The following DDHD2 variants were observed in gnomAD, a reference collection of about 807,000 sequenced individuals.
DDHD2 encodes the protein triacylglycerol hydrolase DDHD2.
Under a neutral mutation model 91.2 loss-of-function variants are expected in DDHD2, and 62 were observed. The observed-to-expected ratio is 0.68, with a 90% CI of 0.55 to 0.84. The LOEUF (loss-of-function observed/expected upper bound fraction) is 0.84, where lower values mean the gene tolerates loss of function less well. DDHD2 is among the 40% of genes least tolerant of loss of function. The pLI, the probability that DDHD2 is intolerant of heterozygous loss-of-function variation, is 0.00. For missense variants in DDHD2, 740 were observed against 846.9 expected, an observed-to-expected ratio of 0.87 and a Z score of 1.57; for synonymous variants, 271 against 293.9, an observed-to-expected ratio of 0.92 and a Z score of 0.80.
At chr8:38,246,978 A>G (rs1202092961) in intron 9 of DDHD2, 1 of 152,220 alleles carries the variant, frequency 6.6e-6, no homozygotes, top group Admixed American at 6.5e-5. Flanking sequence ...TGGGGACTTG[A>G]TGTTTAAACA....
In DDHD2 at chr8:38,251,954, A is replaced by G. The variant is rs148088581; in HGVS notation, c.1387A>G (p.Ile463Val). ...CCCGCAGCCTGCTTCAGGGGCAAAC[A>G]TCCCCAAAGAATCTGAGTTCTGCAG... is the stretch of plus-strand genomic sequence containing the variant. The part of the protein sequence containing the change: ...PAPQPASGAN[I>V]PKESEFCSSS... The change falls in exon 12 of 18, where the codon ATC (isoleucine) becomes GTC (valine). Residue 463 changes from isoleucine to valine, a missense_variant. Physicochemically the swap from Ile to Val is conservative, Grantham distance 29. This residue lies in a region of DDHD2 where 693 missense variants were observed against 764.2 expected (regional missense o/e 0.91). Coordinates refer to ENST00000397166, the MANE Select transcript of DDHD2 (RefSeq NM_015214.3). The G allele has an allele frequency of 2.4e-4, 387 of 1,614,158 alleles. 4 individuals are homozygous for G. In the East Asian group the frequency reaches 8.6e-3, roughly 36 times the overall value.
At chr8:38,264,865 C>T, downstream of DDHD2, 1 of 1,609,584 alleles carries the variant, frequency 6.2e-7, no homozygotes, top group Admixed American at 1.7e-5. Context: ...TCAGAGTGTA[C>T]TAAATTAGAA....
chr8:38,243,245 A>G (rs1346321312), intron 7 of DDHD2, among the ~76,000 whole-genome samples: 1 of 152,176 alleles, frequency 6.6e-6, no homozygotes, highest in African/African-American at 2.4e-5. Context: ...CTTTAACTGG[A>G]TGTTAGATTT....
intron 1 of DDHD2, chr8:38,270,987 A>AT (rs1460234530): frequency 6.6e-6 from 1 of 152,212 alleles, no homozygotes; most frequent in East Asian, 1.9e-4. Context: ...CGTAAGTGCA[A>AT]TTTTTTGTTT....
At chr8:38,238,360 G>A (rs1804972152) in intron 5 of DDHD2, 151 bp downstream of exon 5, 11 of 1,432,006 alleles carry the variant, frequency 7.7e-6, no homozygotes, top group East Asian at 2.6e-5. Flanking sequence ...GCATCACTTC[G>A]TCTACTAAGA....
chr8:38,245,386 C>T (rs901840299), intron 7 of DDHD2, among the ~76,000 whole-genome samples: 23 of 150,966 alleles, frequency 1.5e-4, no homozygotes, highest in Non-Finnish European at 2.2e-4. Flanking sequence ...GAGCTGAGAT[C>T]GTGCCACTGC....
At chr8:38,249,072 T>A (rs1381331388) in intron 10 of DDHD2, among the ~76,000 whole-genome samples, 3 of 152,030 alleles carry the variant, frequency 2.0e-5, no homozygotes, top group Admixed American at 2.0e-4. Context: ...TTCTCAGGCA[T>A]GTGACATCTA....
chr8:38,267,987 G>T, intron 1 of DDHD2: 1 of 1,613,970 alleles, frequency 6.2e-7, no homozygotes, highest in Non-Finnish European at 8.5e-7. Context: ...TTAGTTGAAA[G>T]GATCTGTCTA....
downstream of DDHD2, among the ~76,000 whole-genome samples, chr8:38,266,687 A>G (rs989670833): frequency 1.3e-5 from 2 of 152,208 alleles, no homozygotes; most frequent in African/African-American, 4.8e-5. Context: ...GGTATGAGCC[A>G]CCACACCCGG....
rs772252400 is a variant in DDHD2, at chr8:38,253,093, A to G, written c.1857A>G (p.Glu619=). ...CTTCAGAAACACCAGAAGAAACTGA[A>G]GCAGAACCTGAATCAACTTCAGAGA... is the stretch of plus-strand genomic sequence containing the variant. ...LQASETPEET[E]AEPESTSEKP... The change falls in exon 15 of 18, where the codon GAA becomes GAG. Residue 619 remains glutamate, a synonymous_variant. Transcript: ENST00000397166. The G allele has an allele frequency of 6.2e-7, 1 of 1,614,140 alleles. No individual in the cohort carries two copies. The highest frequency in any genetic ancestry group is 1.1e-5 in the South Asian group (1 of 91,068).
downstream of DDHD2, chr8:38,272,593 G>C (rs1808509216): frequency 1.3e-5 from 2 of 152,154 alleles, no homozygotes; most frequent in African/African-American, 4.8e-5. Context: ...TACTGATCCA[G>C]TTTCTGAAGC....
intron 2 of DDHD2, among the ~76,000 whole-genome samples, 179 bp downstream of exon 2, chr8:38,233,393 G>A (rs938166941): frequency 9.9e-5 from 15 of 152,004 alleles, no homozygotes; most frequent in African/African-American, 3.4e-4. Flanking sequence ...TAATATTCAA[G>A]AATTTGGTCT....
At chr8:38,235,913 A>G (rs962935630) in intron 3 of DDHD2, among the ~76,000 whole-genome samples, 2 of 151,950 alleles carry the variant, frequency 1.3e-5, no homozygotes, top group South Asian at 2.1e-4. Flanking sequence ...ATACAAATGC[A>G]AACTGTATTA....
At position 38,260,727 on chromosome 8, in the gene DDHD2, C is replaced by T. The variant is rs756652292; in HGVS notation, c.*154C>T. 9.8e-5 allele frequency: 15 copies of T among 152,624 alleles called. No individual in the cohort carries two copies. The highest frequency in any genetic ancestry group is 3.6e-4 in the African/African-American group (15 of 41,442). 9.5% of individuals were successfully genotyped at this position (152,624 alleles called of 1,614,324 possible). On this transcript the variant is annotated 3_prime_UTR_variant, in exon 18 of 18. Coordinates refer to ENST00000397166, the MANE Select transcript of DDHD2 (RefSeq NM_015214.3). Reference sequence around the variant, plus strand: ...ACCACTGGGGTCTTTGGAAGATAATCTTCCTCTTTGGAAATGAATGGAAAA... The same window carrying T: ...ACCACTGGGGTCTTTGGAAGATAATTTTCCTCTTTGGAAATGAATGGAAAA...
intron 6 of DDHD2, 102 bp downstream of exon 6, chr8:38,240,466 G>A: frequency 1.2e-6 from 1 of 821,212 alleles, no homozygotes; most frequent in Non-Finnish European, 1.9e-6. Flanking sequence ...AGAAGATTTG[G>A]AGAGTTAAAG....
chr8:38,268,653 C>A, intron 1 of DDHD2: 1 of 1,435,322 alleles, frequency 7.0e-7, no homozygotes, highest in Non-Finnish European at 9.1e-7. Context: ...GTACCTCAGG[C>A]TGAGGCACAG....
At chr8:38,250,808 C>T (rs1469948159) in intron 11 of DDHD2, 2 of 152,106 alleles carry the variant, frequency 1.3e-5, no homozygotes, top group Non-Finnish European at 2.9e-5. Context: ...AGGGAAACCC[C>T]ATACCCATTT....
At chr8:38,267,902 T>G (rs766227695) in intron 1 of DDHD2, 1 of 1,614,010 alleles carries the variant, frequency 6.2e-7, no homozygotes, top group Non-Finnish European at 8.5e-7. Flanking sequence ...CTTACCTCCC[T>G]ACGATCAGTT....
chr8:38,252,406 C>T (rs907489045), intron 13 of DDHD2, 119 bp downstream of exon 13: 16 of 1,113,462 alleles, frequency 1.4e-5, no homozygotes, highest in Non-Finnish European at 1.8e-5. Flanking sequence ...AATGAGACAA[C>T]TTATAATAGT....
Sources: allele counts gnomAD v4.1 joint callset (sites outside exome capture counted in the v4.1 genomes callset), GRCh38; gene constraint gnomAD v4.1.1; regional missense constraint gnomAD v4.1.1; transcripts MANE v1.5; gene names NCBI Gene and HGNC (gene_info 2026-07-23, HGNC 2026-07-21).